DNAH17: variants seen among roughly 807,000 people sequenced by gnomAD.
DNAH17 encodes dynein axonemal heavy chain 17.
DNAH17 carries 376 observed loss-of-function variants against 485.6 expected under a neutral mutation model. The ratio of observed to expected loss-of-function variants is 0.77; its 90% CI spans 0.71 to 0.84. The LOEUF (loss-of-function observed/expected upper bound fraction) is 0.84, where lower values mean the gene tolerates loss of function less well. Among genes scored for constraint, DNAH17 ranks in the 40% least tolerant of loss-of-function variants. The probability of loss-of-function intolerance (pLI) is 0.00; values close to 1 mark genes in which losing one functional copy is unlikely to be tolerated. For missense variants in DNAH17, 6,370 were observed against 5,839.3 expected (o/e 1.09, Z -2.96); for synonymous variants, 3,031 against 2,405.9 (o/e 1.26, Z -7.60).
At chr17:78,549,713 G>A (rs2091855532) in intron 16 of DNAH17, among the ~76,000 whole-genome samples, 1 of 152,176 alleles carries the variant, frequency 6.6e-6, no homozygotes, top group African/African-American at 2.4e-5. Flanking sequence ...TGTAGCGGGT[G>A]GTGGGCAGTG....
chr17:78,437,994 G>A (rs972404097), intron 73 of DNAH17, 126 bp from the exon 74 acceptor site: 10 of 679,238 alleles, frequency 1.5e-5, no homozygotes, highest in Non-Finnish European at 2.4e-5. Flanking sequence ...CACTTGCCTG[G>A]TGCTGGCACT....
intron 72 of DNAH17, among the ~76,000 whole-genome samples, chr17:78,440,613 TTC>T (rs2087037286): frequency 6.6e-6 from 1 of 152,164 alleles, no homozygotes; most frequent in African/African-American, 2.4e-5. Context: ...AGCCACCATA[TTC>T]TGTTTATCCA....
chr17:78,460,671 G>C (rs1055868107), intron 58 of DNAH17, among the ~76,000 whole-genome samples: 3 of 152,222 alleles, frequency 2.0e-5, no homozygotes, highest in African/African-American at 7.2e-5. Flanking sequence ...TGCCTCGACA[G>C]TTGGGTGGGA....
At position 78,500,368 on chromosome 17, in the gene DNAH17, G is replaced by A. The variant is rs1311000180; in HGVS notation, c.5577C>T (p.Asp1859=). Residue 1859 remains aspartate, a synonymous_variant, in exon 36 of 81, where the codon GAC becomes GAT. Transcript: ENST00000389840. ...AGTGKTETTK[D]LGRALGTMVY... ...CCATGGTGCCCAGGGCTCTGCCCAG[G>A]TCCTTGGTCGTCTCAGTCTTGCCGG... 1 of 1,612,444 alleles carries A rather than the reference G, an allele frequency of 6.2e-7. No individual in the cohort carries two copies. The highest frequency in any genetic ancestry group is 8.5e-7 in the Non-Finnish European group (1 of 1,179,378).
rs143702214 is a variant in DNAH17 at position 78,566,409 on chromosome 17, C to T, written c.1569+205G>A. ...ATCTCACACTCACTTGCTCCTCTTC[C>T]TCTAGGATGTGGCAGTAAGAACCAT... On this transcript the variant is annotated intron_variant, in intron 11 of 80. Coordinates refer to ENST00000389840, the MANE Select transcript of DNAH17 (RefSeq NM_173628.4). Among the ~76,000 whole-genome samples, 153 of 152,288 alleles carry T rather than the reference C, an allele frequency of 1.0e-3. No homozygotes were observed. The East Asian group carries it at 0.022, about 22-fold the overall frequency.
chr17:78,490,567 A>T, intron 44 of DNAH17, 132 bp downstream of exon 44: 1 of 1,305,402 alleles, frequency 7.7e-7, no homozygotes, highest in Non-Finnish European at 1.0e-6. Flanking sequence ...CTGCTGTGAC[A>T]CTGGTGCCTG....
chr17:78,468,430 C>T (rs1007008468), intron 55 of DNAH17, among the ~76,000 whole-genome samples, 187 bp downstream of exon 55: 6 of 152,128 alleles, frequency 3.9e-5, no homozygotes, highest in Admixed American at 6.6e-5. Flanking sequence ...ATACCTCTAA[C>T]GACCCACGTG....
intron 26 of DNAH17, among the ~76,000 whole-genome samples, chr17:78,514,427 C>T (rs570943632): frequency 3.9e-4 from 56 of 145,190 alleles, no homozygotes; most frequent in Admixed American, 1.6e-3. Context: ...ACTGCTTGAA[C>T]CTGGGAGGCG....
intron 16 of DNAH17, among the ~76,000 whole-genome samples, chr17:78,544,848 A>G (rs2091712594): frequency 6.7e-6 from 1 of 148,192 alleles, no homozygotes; most frequent in African/African-American, 2.5e-5. Flanking sequence ...GCCACTTTTA[A>G]TTATGATTTG....
intron 22 of DNAH17, 97 bp downstream of exon 22, chr17:78,529,375 C>T: frequency 1.7e-6 from 2 of 1,182,376 alleles, no homozygotes; most frequent in Non-Finnish European, 2.5e-6. Flanking sequence ...TAGCCCACAG[C>T]ATCCCCCATG....
At chr17:78,449,032 A>T (rs1009244455) in intron 69 of DNAH17, among the ~76,000 whole-genome samples, 22 of 152,230 alleles carry the variant, frequency 1.4e-4, no homozygotes, top group African/African-American at 5.3e-4. Context: ...AACAGGAGGA[A>T]TATTTGTTTA....
Position 78,476,683 on chromosome 17 carries a change from G to T in DNAH17, c.8043C>A (p.Val2681=). Residue 2681 remains valine, a synonymous_variant, in exon 52 of 81, where the codon GTC becomes GTA. Coordinates refer to ENST00000389840, the MANE Select transcript of DNAH17 (RefSeq NM_173628.4). The stretch of plus-strand genomic sequence containing the variant: ...GTTCAGTCTCATGTAGCCAAAGGCG[G>T]ACGAGGTCCAGTGGGGTTTTCAGAA... ...AEVLKTPLDL[V]RLWLHETERV... The T allele has an allele frequency of 6.2e-7, 1 of 1,613,134 alleles. No homozygotes were observed. The highest frequency in any genetic ancestry group is 8.5e-7 in the Non-Finnish European group (1 of 1,179,540).
At chr17:78,543,624 C>T in intron 17 of DNAH17, 1 of 595,970 alleles carries the variant, frequency 1.7e-6, no homozygotes, top group Non-Finnish European at 2.9e-6. Flanking sequence ...AGGGTTTCAC[C>T]ACGTTGGTCA....
At chr17:78,483,175 C>T (rs1474851900) in intron 48 of DNAH17, among the ~76,000 whole-genome samples, 2 of 152,230 alleles carry the variant, frequency 1.3e-5, no homozygotes, top group Non-Finnish European at 2.9e-5. Flanking sequence ...GCTCCCTCCT[C>T]AGAGTGGCAG....
chr17:78,568,517 G>T (rs768410970), intron 9 of DNAH17, among the ~76,000 whole-genome samples: 33 of 152,200 alleles, frequency 2.2e-4, no homozygotes, highest in Middle Eastern at 3.4e-3. Flanking sequence ...GATACAAAAG[G>T]CAAAACTTTC....
At chr17:78,486,630 G>A (rs1167907694) in intron 44 of DNAH17, 124 bp from the exon 45 acceptor site, 5 of 1,233,892 alleles carry the variant, frequency 4.1e-6, no homozygotes, top group Admixed American at 2.8e-5. Context: ...GGGTCACCAT[G>A]CCTGCATGGC....
At chr17:78,560,716 G>T (rs555948863) in intron 13 of DNAH17, 24 bp downstream of exon 13, 3 of 1,530,892 alleles carry the variant, frequency 2.0e-6, no homozygotes, top group Non-Finnish European at 2.6e-6. Flanking sequence ...AGCCTTTGAC[G>T]CGGTCCCCAC....
intron 38 of DNAH17, among the ~76,000 whole-genome samples, 181 bp downstream of exon 38, chr17:78,495,694 G>A (rs531773101): frequency 7.6e-4 from 115 of 152,134 alleles, no homozygotes; most frequent in East Asian, 5.8e-4. Context: ...CTCCTCAGCC[G>A]CCCAAAGTGC....
intron 71 of DNAH17, among the ~76,000 whole-genome samples, chr17:78,443,008 G>A (rs528866286): frequency 9.9e-5 from 15 of 152,268 alleles, no homozygotes; most frequent in African/African-American, 3.4e-4. Context: ...TTTGCTCCAC[G>A]TCATAGAAAT....
Sources: gnomAD v4.1 joint callset for allele counts (sites outside exome capture counted in the v4.1 genomes callset) on GRCh38, gnomAD v4.1.1 for gene constraint, MANE v1.5 for transcripts, NCBI Gene and HGNC (gene_info 2026-07-23, HGNC 2026-07-21) for gene names.